The following SLC25A21 variants were observed in gnomAD, a reference collection of about 807,000 sequenced individuals.
SLC25A21 encodes solute carrier family 25 member 21.
SLC25A21 carries 47 observed loss-of-function variants against 43.8 expected under a neutral mutation model. The observed-to-expected ratio is 1.07, with a 90% CI of 0.85 to 1.37. The LOEUF (loss-of-function observed/expected upper bound fraction) is 1.37. Among genes scored for constraint, SLC25A21 ranks in the 40% most tolerant of loss-of-function variants. The pLI is 0.00. For synonymous variants in SLC25A21, 131 were observed against 121.3 expected (o/e 1.08, Z -0.52); for missense variants, 352 against 350.2 (o/e 1.00, Z -0.04).
intron 1 of SLC25A21, among the ~76,000 whole-genome samples, chr14:37,121,960 A>G (rs1356261189): frequency 1.5e-5 from 1 of 66,492 alleles, no homozygotes; most frequent in Non-Finnish European, 4.9e-5. Flanking sequence ...CAGAGACAGC[A>G]ATAAACCCAT....
At chr14:36,899,104 T>A (rs1891331266) in intron 1 of SLC25A21, among the ~76,000 whole-genome samples, 1 of 151,908 alleles carries the variant, frequency 6.6e-6, no homozygotes, top group African/African-American at 2.4e-5. Context: ...AAAAATAAAT[T>A]TAAGGTTGGG....
At chr14:37,121,767 C>T (rs1002585618) in intron 1 of SLC25A21, among the ~76,000 whole-genome samples, 15 of 149,440 alleles carry the variant, frequency 1.0e-4, no homozygotes, top group Admixed American at 5.4e-4. Context: ...CCAGCCTGAG[C>T]GACGGAACGA....
At chr14:36,777,804 T>C (rs1178205145) in intron 3 of SLC25A21, among the ~76,000 whole-genome samples, 5 of 152,216 alleles carry the variant, frequency 3.3e-5, no homozygotes, top group Non-Finnish European at 7.3e-5. Context: ...TGGTAACCTG[T>C]TACAACAGTC....
At chr14:37,130,401 C>T (rs1296863026) in intron 1 of SLC25A21, among the ~76,000 whole-genome samples, 8 of 152,160 alleles carry the variant, frequency 5.3e-5, no homozygotes, top group South Asian at 4.1e-4. Context: ...CTAGATTCCA[C>T]GACATACATC....
chr14:37,015,521 T>G (rs1248903467), intron 1 of SLC25A21, among the ~76,000 whole-genome samples: 6 of 151,908 alleles, frequency 3.9e-5, no homozygotes, highest in African/African-American at 1.5e-4. Context: ...TGTGTCTTTA[T>G]AGCAGCATGA....
chr14:36,735,546 C>T (rs747305937), intron 3 of SLC25A21, among the ~76,000 whole-genome samples: 1 of 151,776 alleles, frequency 6.6e-6, no homozygotes, highest in Non-Finnish European at 1.5e-5. Flanking sequence ...AAGCTTCACT[C>T]CAGCTCCCTT....
At chr14:36,908,503 A>G (rs764875235) in intron 1 of SLC25A21, among the ~76,000 whole-genome samples, 13 of 152,358 alleles carry the variant, frequency 8.5e-5, no homozygotes, top group Admixed American at 1.3e-4. Context: ...AGAGTATTTT[A>G]TTATGCACCG....
chr14:36,928,796 T>TA (rs1407686866), intron 1 of SLC25A21, among the ~76,000 whole-genome samples: 1 of 152,240 alleles, frequency 6.6e-6, no homozygotes, highest in African/African-American at 2.4e-5. Flanking sequence ...TTTTCCTGGC[T>TA]AAAAAATCAT....
intron 1 of SLC25A21, among the ~76,000 whole-genome samples, chr14:37,106,587 C>T (rs927719293): frequency 2.0e-5 from 3 of 152,226 alleles, no homozygotes; most frequent in African/African-American, 2.4e-5. Context: ...ATACAAGCAC[C>T]ACTGAACACA....
At chr14:36,873,348 T>C (rs1890427789) in intron 2 of SLC25A21, among the ~76,000 whole-genome samples, 1 of 152,298 alleles carries the variant, frequency 6.6e-6, no homozygotes, top group South Asian at 2.1e-4. Flanking sequence ...CAAGCTGAAG[T>C]GCAGTGGTGC....
chr14:36,823,863 C>T (rs1051039915), intron 2 of SLC25A21, among the ~76,000 whole-genome samples: 3 of 152,152 alleles, frequency 2.0e-5, no homozygotes, highest in Admixed American at 2.0e-4. Context: ...GTAAGAAGCA[C>T]AAAACACCAT....
intron 1 of SLC25A21, among the ~76,000 whole-genome samples, chr14:37,162,527 AAC>A (rs1157238367): frequency 2.0e-5 from 3 of 152,202 alleles, no homozygotes; most frequent in African/African-American, 7.2e-5. Context: ...GCAGCCAAAA[AAC>A]ACACGAAAAA....
intron 3 of SLC25A21, among the ~76,000 whole-genome samples, chr14:36,792,506 A>C (rs1392802071): frequency 6.6e-6 from 1 of 152,186 alleles, no homozygotes; most frequent in Non-Finnish European, 1.5e-5. Flanking sequence ...TGTTGGACCA[A>C]GTATTAAATA....
At chr14:36,970,805 G>A (rs1445848078) in intron 1 of SLC25A21, among the ~76,000 whole-genome samples, 1 of 152,060 alleles carries the variant, frequency 6.6e-6, no homozygotes, top group Non-Finnish European at 1.5e-5. Context: ...TTTTCATGTA[G>A]GTGTCCTTCT....
chr14:36,976,944 A>G (rs1959887931), intron 1 of SLC25A21, among the ~76,000 whole-genome samples: 1 of 152,106 alleles, frequency 6.6e-6, no homozygotes, highest in South Asian at 2.1e-4. Context: ...CATCCACTCA[A>G]CTAATTTTCT....
chr14:36,759,900 G>A (rs1203641953), intron 3 of SLC25A21, among the ~76,000 whole-genome samples: 1 of 152,024 alleles, frequency 6.6e-6, no homozygotes, highest in Non-Finnish European at 1.5e-5. Flanking sequence ...CCCAGGAGGC[G>A]GAGATTGCAG....
At chr14:36,819,100 T>A (rs970075156) in intron 2 of SLC25A21, among the ~76,000 whole-genome samples, 4 of 152,192 alleles carry the variant, frequency 2.6e-5, no homozygotes, top group African/African-American at 9.7e-5. Flanking sequence ...ACTTGGGACA[T>A]ATTTGGTGCT....
At chr14:36,872,796 C>T (rs977660405) in intron 2 of SLC25A21, among the ~76,000 whole-genome samples, 1 of 152,084 alleles carries the variant, frequency 6.6e-6, no homozygotes, top group Non-Finnish European at 1.5e-5. Flanking sequence ...ATATAAAGCC[C>T]CAGTAACTTG....
intron 1 of SLC25A21, among the ~76,000 whole-genome samples, chr14:36,981,691 G>T (rs1960027386): frequency 6.6e-6 from 1 of 152,116 alleles, no homozygotes; most frequent in Non-Finnish European, 1.5e-5. Flanking sequence ...CCTGTCGTGG[G>T]GTGGGGGGAA....
Sources: allele counts gnomAD v4.1 joint callset (sites outside exome capture counted in the v4.1 genomes callset), GRCh38; gene constraint gnomAD v4.1.1; transcripts MANE v1.5; gene names NCBI Gene and HGNC (gene_info 2026-07-23, HGNC 2026-07-21).